Variants in PARP4 observed in about 807,000 individuals in gnomAD.
PARP4 encodes poly(ADP-ribose) polymerase family member 4, also known as protein mono-ADP-ribosyltransferase PARP4.
A neutral mutation model predicts 187.7 loss-of-function variants in PARP4; 120 were observed. The ratio of observed to expected loss-of-function variants is 0.64; its 90% CI spans 0.55 to 0.74. The LOEUF is 0.74. PARP4 is among the 30% of genes least tolerant of loss of function. PARP4 has a pLI of 0.00. For missense variants in PARP4, 1,836 were observed against 2,070.5 expected (o/e 0.89, Z 2.20); for synonymous variants, 654 against 740.9 (o/e 0.88, Z 1.90).
At position 24,455,308 on chromosome 13, in the gene PARP4, C is replaced by G. The variant is rs914389435; in HGVS notation, c.2563-96G>C. On this transcript the variant is annotated intron_variant, in intron 21 of 33. Transcript: ENST00000381989. Reference sequence around the variant, plus strand: ...CTCCAAAACTTTCTAGTGAGGTAAACTAATGCTATAAAAACAGAAAGAATA... The same window carrying G: ...CTCCAAAACTTTCTAGTGAGGTAAAGTAATGCTATAAAAACAGAAAGAATA... The G allele has an allele frequency of 3.8e-5, 28 of 745,628 alleles. No individual in the cohort carries two copies. In the African/African-American group the frequency reaches 4.5e-4, roughly 12 times the overall value. 46.2% of individuals were successfully genotyped at this position (745,628 alleles called of 1,614,324 possible). A position where few individuals can be genotyped will look rare whatever the true frequency, so the allele number is the denominator to read the frequency against.
At chr13:24,437,881 G>T (rs918775594) in intron 30 of PARP4, among the ~76,000 whole-genome samples, 1 of 143,384 alleles carries the variant, frequency 7.0e-6, no homozygotes, top group Non-Finnish European at 1.5e-5. Flanking sequence ...TGAGAAATAC[G>T]GGTCATTTTT....
intron 6 of PARP4, among the ~76,000 whole-genome samples, chr13:24,495,845 C>T (rs1868914379): frequency 6.6e-6 from 1 of 152,158 alleles, no homozygotes; most frequent in African/African-American, 2.4e-5. Context: ...TGGAAGATTC[C>T]CATCAAAATG....
chr13:24,455,208 C>T lies in PARP4; in HGVS notation c.2567G>A (p.Cys856Tyr). Reference sequence around the variant, plus strand: ...GAGATCGGGTTGAAAGACAAGCATGCAAGCCTGAAAGGAGAAAGAAGGTGC... The same window carrying T: ...GAGATCGGGTTGAAAGACAAGCATGTAAGCCTGAAAGGAGAAAGAAGGTGC... ...EKHPEKESEACMLVFQPDLDV... is the reference protein window; with the variant it reads ...EKHPEKESEAYMLVFQPDLDV... The change falls in exon 22 of 34, where the codon TGC (cysteine) becomes TAC (tyrosine). Residue 856 changes from cysteine (C) to tyrosine (Y), a missense_variant. Around this residue, in one of 8 missense-constraint regions of PARP4, gnomAD observed 1,147 missense variants for 1,214.2 expected, o/e 0.94. Coordinates refer to ENST00000381989, the MANE Select transcript of PARP4 (RefSeq NM_006437.4). 1.3e-6 allele frequency: 2 copies of T among 1,586,026 alleles called. No homozygotes were observed. The highest frequency in any genetic ancestry group is 1.7e-6 in the Non-Finnish European group (2 of 1,158,438).
At chr13:24,471,140 G>A (rs1464505381) in intron 15 of PARP4, among the ~76,000 whole-genome samples, 1 of 152,224 alleles carries the variant, frequency 6.6e-6, no homozygotes, top group Non-Finnish European at 1.5e-5. Context: ...GTCAGACACT[G>A]TCCCCTTGAC....
At chr13:24,450,872 T>C (rs1012137570) in intron 24 of PARP4, among the ~76,000 whole-genome samples, 1 of 152,114 alleles carries the variant, frequency 6.6e-6, no homozygotes, top group Admixed American at 6.5e-5. Context: ...CCTTACATTT[T>C]TCAATTTTTT....
At chr13:24,425,849 G>C (rs1262303367) in intron 33 of PARP4, among the ~76,000 whole-genome samples, 3 of 152,032 alleles carry the variant, frequency 2.0e-5, no homozygotes, top group Admixed American at 6.6e-5. Context: ...AGGGGGCACT[G>C]GCATGGGGTC....
intron 1 of PARP4, among the ~76,000 whole-genome samples, chr13:24,507,052 G>A (rs1057095660): frequency 1.3e-5 from 2 of 152,214 alleles, no homozygotes; most frequent in African/African-American, 2.4e-5. Context: ...TGGCCCGGAC[G>A]CTAAGCCCCT....
chr13:24,457,693 C>T (rs147793601), intron 20 of PARP4, among the ~76,000 whole-genome samples: 4 of 148,882 alleles, frequency 2.7e-5, no homozygotes, highest in African/African-American at 1.0e-4. Context: ...ATCGTTTGAA[C>T]CCAGGAGGTG....
intron 12 of PARP4, among the ~76,000 whole-genome samples, chr13:24,479,804 G>A (rs925761496): frequency 1.3e-5 from 2 of 152,224 alleles, no homozygotes; most frequent in Admixed American, 6.5e-5. Context: ...CACTGTGGAA[G>A]CTTTGTTCTT....
At chr13:24,448,232 AAACC>A (rs1333573792) in intron 25 of PARP4, among the ~76,000 whole-genome samples, 1 of 152,060 alleles carries the variant, frequency 6.6e-6, no homozygotes, top group African/African-American at 2.4e-5. Context: ...CGACAAACAA[AAACC>A]AACCAAACAA....
Position 24,435,112 on chromosome 13 carries a change from T to C in PARP4, c.4029A>G (p.Ser1343=). 6.2e-7 allele frequency: 1 copy of C among 1,614,100 alleles called. No homozygotes were observed. Among genetic ancestry groups the C allele is most frequent in the South Asian group, 1.1e-5 (1 of 91,072 alleles). The part of the protein sequence containing the change: ...AHSPASLSFA[S]YRQVASFGSA... ...AACCGAAACTAGCTACCTGACGATA[T>C]GAGGCAAAAGACAAGGAAGCAGGAC... Residue 1343 remains serine, a synonymous_variant, in exon 31 of 34, where the codon TCA becomes TCG. Coordinates refer to ENST00000381989, the MANE Select transcript of PARP4 (RefSeq NM_006437.4).
chr13:24,464,542 T>A (rs932913584), intron 17 of PARP4, among the ~76,000 whole-genome samples: 3 of 152,144 alleles, frequency 2.0e-5, no homozygotes, highest in Non-Finnish European at 4.4e-5. Flanking sequence ...AAACAAGCAA[T>A]GGGGAAAAGA....
intron 15 of PARP4, among the ~76,000 whole-genome samples, chr13:24,474,575 A>AT (rs146356526): frequency 0.022 from 3,260 of 151,218 alleles, 29 homozygotes; most frequent in Non-Finnish European, 0.031. Context: ...CCCCAAGATC[A>AT]TCTGAGGACT....
intron 17 of PARP4, among the ~76,000 whole-genome samples, chr13:24,462,052 A>G (rs1302171455): frequency 3.3e-5 from 5 of 152,144 alleles, no homozygotes; most frequent in Admixed American, 1.3e-4. Flanking sequence ...AAGATAGGAC[A>G]ATGAACAGAA....
At chr13:24,509,494 A>C (rs1408015877) in intron 1 of PARP4, among the ~76,000 whole-genome samples, 2 of 149,974 alleles carry the variant, frequency 1.3e-5, no homozygotes, top group Middle Eastern at 3.4e-3. Context: ...GTGACAAGAG[A>C]CCCTATCTCA....
intron 25 of PARP4, among the ~76,000 whole-genome samples, chr13:24,449,244 C>T (rs1315624139): frequency 6.6e-6 from 1 of 151,932 alleles, no homozygotes; most frequent in African/African-American, 2.4e-5. Flanking sequence ...AACAATTAGC[C>T]AGGCATGGTG....
At chr13:24,472,782 T>C (rs1872780966) in intron 15 of PARP4, among the ~76,000 whole-genome samples, 1 of 152,130 alleles carries the variant, frequency 6.6e-6, no homozygotes, top group South Asian at 2.1e-4. Flanking sequence ...GTGATGCTTG[T>C]CTTTTGCTTT....
At chr13:24,507,907 T>C (rs926623466) in intron 1 of PARP4, among the ~76,000 whole-genome samples, 1 of 152,206 alleles carries the variant, frequency 6.6e-6, no homozygotes. Flanking sequence ...CACCCCATGC[T>C]GTATCCCCCA....
At chr13:24,498,499 T>A (rs1593651603) in intron 5 of PARP4, among the ~76,000 whole-genome samples, 2 of 152,322 alleles carry the variant, frequency 1.3e-5, no homozygotes, top group East Asian at 3.9e-4. Context: ...CATGTTTTCC[T>A]TATCAAAGAG....
Sources: gnomAD v4.1 joint callset for allele counts (sites outside exome capture counted in the v4.1 genomes callset) on GRCh38, gnomAD v4.1.1 for gene constraint, gnomAD v4.1.1 regional missense constraint, MANE v1.5 for transcripts, NCBI Gene and HGNC (gene_info 2026-07-23, HGNC 2026-07-21) for gene names.